CRYBG3: variants seen among roughly 807,000 people sequenced by gnomAD.
The protein encoded by CRYBG3 is very large A-kinase anchor protein.
Under a neutral mutation model 244.2 loss-of-function variants are expected in CRYBG3, and 127 were observed. The observed-to-expected ratio is 0.52, with a 90% confidence interval of 0.45 to 0.60. CRYBG3 has a LOEUF of 0.60. CRYBG3 is among the 20% of genes least tolerant of loss of function. CRYBG3 has a pLI of 0.00. For missense variants in CRYBG3, 3,325 were observed against 3,442.5 expected, an observed-to-expected ratio of 0.97 and a Z score of 0.85; for synonymous variants, 1,132 against 1,195.8, an observed-to-expected ratio of 0.95 and a Z score of 1.10.
intron 1 of CRYBG3, among the ~76,000 whole-genome samples, chr3:97,831,807 T>C (rs565335543): frequency 6.6e-6 from 1 of 152,178 alleles, no homozygotes; most frequent in South Asian, 2.1e-4. Flanking sequence ...TTCTAAATTA[T>C]ATTTCTTCCT....
At chr3:97,878,943 T>C (rs1377716375) in intron 4 of CRYBG3, among the ~76,000 whole-genome samples, 1 of 152,220 alleles carries the variant, frequency 6.6e-6, no homozygotes, top group Admixed American at 6.5e-5. Flanking sequence ...ATTTCCAAGA[T>C]CATGGTACTT....
At position 97,888,304 on chromosome 3, in the gene CRYBG3, A is replaced by T. The variant is rs778686398; in HGVS notation, c.7290-37A>T. The stretch of plus-strand genomic sequence containing the variant: ...ACTTACAGAACCAGACTAAAGCAGT[A>T]CTATTATACTTTAACTAACTATCTA... On this transcript the variant is annotated intron_variant, in intron 8 of 21. Coordinates refer to ENST00000389622, the MANE Select transcript of CRYBG3 (RefSeq NM_153605.4). 14 of 1,244,146 alleles carry T rather than the reference A, an allele frequency of 1.1e-5. No homozygotes were observed. The South Asian group carries it at 1.7e-4, about 15-fold the overall frequency. The allele number at this position is 1,244,146 out of a possible 1,614,324, so 77.1% of individuals were successfully genotyped here.
At chr3:97,838,714 T>C (rs2038770783) in intron 1 of CRYBG3, among the ~76,000 whole-genome samples, 1 of 152,150 alleles carries the variant, frequency 6.6e-6, no homozygotes, top group Non-Finnish European at 1.5e-5. Context: ...AGTTTTCCAC[T>C]GCTTATCTGC....
intron 17 of CRYBG3, among the ~76,000 whole-genome samples, chr3:97,918,346 T>C (rs2039949278): frequency 6.6e-6 from 1 of 152,206 alleles, no homozygotes; most frequent in Non-Finnish European, 1.5e-5. Flanking sequence ...TGACACATAG[T>C]TTGCAGTGTT....
intron 2 of CRYBG3, among the ~76,000 whole-genome samples, chr3:97,854,969 A>G (rs1266188503): frequency 5.9e-5 from 9 of 152,040 alleles, no homozygotes; most frequent in Non-Finnish European, 1.3e-4. Context: ...TACTTTTACT[A>G]TGATGTTACC....
At chr3:97,942,549 G>C in intron 21 of CRYBG3, 106 bp downstream of exon 21, 1 of 1,066,854 alleles carries the variant, frequency 9.4e-7, no homozygotes, top group Non-Finnish European at 1.3e-6. Context: ...GAAATGTTAA[G>C]TCATTTAAAA....
intron 17 of CRYBG3, among the ~76,000 whole-genome samples, chr3:97,919,733 G>C (rs75486497): frequency 7.2e-6 from 1 of 138,272 alleles, no homozygotes; most frequent in African/African-American, 2.5e-5. Flanking sequence ...AAAAAAAAAG[G>C]CTTAGGATGA....
rs1452770565 is a variant in CRYBG3 at position 97,943,909 on chromosome 3, T to A, written c.*595T>A. 2 of 151,998 alleles carry A rather than the reference T, an allele frequency of 1.3e-5. No homozygotes were observed. The highest frequency in any genetic ancestry group is 3.9e-4 in the East Asian group (2 of 5,172). The allele number at this position is 151,998 out of a possible 1,614,324, so 9.4% of individuals were successfully genotyped here. A position where few individuals can be genotyped will look rare whatever the true frequency, so the allele number is the denominator to read the frequency against. On this transcript the variant is annotated 3_prime_UTR_variant, in exon 22 of 22. Transcript: ENST00000389622. ...CCCCAGGCAGGGACCTCAGCTTTGT[T>A]AGGAATAAGGCACAAGAAGTATTTT...
At chr3:97,914,629 AAAG>A (rs1192698301) in intron 16 of CRYBG3, among the ~76,000 whole-genome samples, 1 of 152,146 alleles carries the variant, frequency 6.6e-6, no homozygotes, top group Non-Finnish European at 1.5e-5. Flanking sequence ...CCTCATCTGT[AAAG>A]GAGGGGTAAT....
chr3:97,874,740 G>T lies in CRYBG3; in HGVS notation c.3546G>T (p.Arg1182Ser). The T allele has an allele frequency of 6.5e-7, 1 of 1,535,924 alleles. No individual in the cohort carries two copies. The highest frequency in any genetic ancestry group is 2.4e-5 in the East Asian group (1 of 40,906). Residue 1182 changes from arginine (R) to serine (S), a missense_variant, in exon 4 of 22, where the codon AGG (arginine) becomes AGT (serine). Arg to Ser is a moderately radical substitution (Grantham distance 110). Around this residue, in one of 4 missense-constraint regions of CRYBG3, gnomAD observed 1,526 missense variants for 1,443.2 expected, o/e 1.06. Transcript: ENST00000389622. ...CCTCTGCTGAGCACATAGAAGCCAG[G>T]AGAAGAGCACATGACCAACTTTTGG... The part of the protein sequence containing the change: ...SEASAEHIEA[R>S]RRAHDQLLDL...
At chr3:97,885,914 T>A (rs570275339) in intron 7 of CRYBG3, among the ~76,000 whole-genome samples, 1 of 152,298 alleles carries the variant, frequency 6.6e-6, no homozygotes, top group African/African-American at 2.4e-5. Flanking sequence ...AGTAGGCCTG[T>A]AATCAAAGTT....
chr3:97,913,222 G>T (rs924596634), intron 16 of CRYBG3, among the ~76,000 whole-genome samples: 2 of 152,072 alleles, frequency 1.3e-5, no homozygotes, highest in African/African-American at 4.8e-5. Flanking sequence ...TCTAGTACCA[G>T]TCCGATCAAG....
intron 2 of CRYBG3, among the ~76,000 whole-genome samples, chr3:97,862,635 T>G (rs2039167352): frequency 6.6e-6 from 1 of 152,162 alleles, no homozygotes; most frequent in Admixed American, 6.6e-5. Flanking sequence ...AGGTTGTTTA[T>G]GCTGTTTATA....
chr3:97,875,548 G>A lies in CRYBG3; in HGVS notation c.4354G>A (p.Glu1452Lys), dbSNP rs2039361162. ...THLFRSEDCN[E>K]TMEIENVDNN... ...TTTATTTCGCAGTGAGGACTGTAAT[G>A]AGACAATGGAAATAGAGAATGTGGA... is the stretch of plus-strand genomic sequence containing the variant. The change falls in exon 4 of 22, where the codon GAG becomes AAG. Residue 1452 changes from glutamate to lysine, a missense_variant. Glu to Lys is a moderately conservative substitution (Grantham distance 56). Around this residue, in one of 4 missense-constraint regions of CRYBG3, gnomAD observed 635 missense variants for 771.7 expected, o/e 0.82. Coordinates refer to ENST00000389622, the MANE Select transcript of CRYBG3 (RefSeq NM_153605.4). 1 of 1,247,706 alleles carries A rather than the reference G, an allele frequency of 8.0e-7. No homozygotes were observed. Among genetic ancestry groups the A allele is most frequent in the Admixed American group, 4.0e-5 (1 of 24,740 alleles). The allele number at this position is 1,247,706 out of a possible 1,614,324, so 77.3% of individuals were successfully genotyped here. A position where few individuals can be genotyped will look rare whatever the true frequency, so the allele number is the denominator to read the frequency against.
In CRYBG3 at chr3:97,822,310, G is replaced by A. The variant is rs994124073; in HGVS notation, c.104G>A (p.Arg35Lys). ...SRDKEEEEEE[R>K]PGTSPPPAPG... ...GACAAGGAAGAGGAAGAGGAGGAGA[G>A]GCCGGGGACGAGCCCGCCTCCAGCT... The change falls in exon 1 of 22, where the codon AGG becomes AAG. Residue 35 changes from arginine (R) to lysine (K), a missense_variant. Physicochemically the swap from Arg to Lys is conservative, Grantham distance 26. Coordinates refer to ENST00000389622, the MANE Select transcript of CRYBG3 (RefSeq NM_153605.4). The A allele has an allele frequency of 6.6e-7, 1 of 1,519,910 alleles. No homozygotes were observed. The highest frequency in any genetic ancestry group is 8.8e-7 in the Non-Finnish European group (1 of 1,139,502). The allele number at this position is 1,519,910 out of a possible 1,614,324, so 94.2% of individuals were successfully genotyped here.
chr3:97,858,293 T>A (rs915949495), intron 2 of CRYBG3, among the ~76,000 whole-genome samples: 1 of 152,002 alleles, frequency 6.6e-6, no homozygotes, highest in Non-Finnish European at 1.5e-5. Flanking sequence ...GACATTTTTC[T>A]CTATTTTTAG....
In CRYBG3 at chr3:97,877,660, G is replaced by A. The variant is rs2039396719; in HGVS notation, c.6466G>A (p.Ala2156Thr). The change falls in exon 4 of 22, where the codon GCA becomes ACA. Residue 2156 changes from alanine to threonine, a missense_variant. Physicochemically the swap from Ala to Thr is moderately conservative, Grantham distance 58 (BLOSUM62 0). Coordinates refer to ENST00000389622, the MANE Select transcript of CRYBG3 (RefSeq NM_153605.4). The part of the protein sequence containing the change: ...ADEEEEEEEA[A>T]VLHKGDLRAG... Reference sequence around the variant, plus strand: ...TGAGGAAGAAGAGGAGGAGGAGGCAGCAGTATTGCATAAAGGAGATCTGAG... The same window carrying A: ...TGAGGAAGAAGAGGAGGAGGAGGCAACAGTATTGCATAAAGGAGATCTGAG... 1.9e-6 allele frequency: 3 copies of A among 1,614,160 alleles called. No homozygotes were observed. The highest frequency in any genetic ancestry group is 1.3e-5 in the African/African-American group (1 of 75,038).
At chr3:97,859,208 A>T (rs2039110699) in intron 2 of CRYBG3, among the ~76,000 whole-genome samples, 1 of 152,048 alleles carries the variant, frequency 6.6e-6, no homozygotes, top group Non-Finnish European at 1.5e-5. Context: ...TGGTGTGTGT[A>T]TGCCATTCAG....
At chr3:97,892,304 A>C (rs1265195942) in intron 10 of CRYBG3, among the ~76,000 whole-genome samples, 1 of 152,122 alleles carries the variant, frequency 6.6e-6, no homozygotes, top group African/African-American at 2.4e-5. Context: ...TATTGTTTCT[A>C]CGGTTAATCA....
Sources: gnomAD v4.1 joint callset for allele counts (sites outside exome capture counted in the v4.1 genomes callset) on GRCh38, gnomAD v4.1.1 for gene constraint, gnomAD v4.1.1 regional missense constraint, MANE v1.5 for transcripts, NCBI Gene and HGNC (gene_info 2026-07-23, HGNC 2026-07-21) for gene names.